Variants in PTK6 observed in about 807,000 individuals in gnomAD.
PTK6 encodes the protein protein tyrosine kinase 6.
A neutral mutation model predicts 47.5 loss-of-function variants in PTK6; 47 were observed. The observed-to-expected ratio is 0.99, with a 90% confidence interval of 0.78 to 1.26. The LOEUF (loss-of-function observed/expected upper bound fraction) is 1.26, where lower values mean the gene tolerates loss of function less well. Ranked by LOEUF, PTK6 falls within the 50% of genes most tolerant of loss-of-function variation. PTK6 has a pLI of 0.00. For missense variants in PTK6, 618 were observed against 625.3 expected (o/e 0.99, Z 0.12); for synonymous variants, 287 against 276.5 (o/e 1.04, Z -0.38).
chr20:63,534,435 C>T, intron 2 of PTK6, 120 bp from the exon 3 acceptor site: 1 of 1,263,500 alleles, frequency 7.9e-7, no homozygotes. Context: ...TTGGTGCTTC[C>T]TCAGTACCAC....
rs6010956 is a variant in PTK6, at chr20:63,530,296, C to T, written c.1015-65G>A. ...CTGTGCCCTGCCCCCGAAGCATGGA[C>T]GGGCACAGCGGCCGCATTGCCCCAG... On this transcript the variant is annotated intron_variant, in intron 6 of 7. Transcript: ENST00000542869. The surrounding 1 kb of genome is among the most constrained non-coding windows in gnomAD (Gnocchi z 4.1). 9.6e-3 allele frequency: 15,163 copies of T among 1,580,804 alleles called. 243 individuals carry two copies. Among genetic ancestry groups the T allele is most frequent in the African/African-American group, 0.073 (5,425 of 74,500 alleles).
Position 63,530,690 on chromosome 20 carries a change from C to A in PTK6, c.1014+56G>T. The A allele has an allele frequency of 6.3e-7, 1 of 1,582,708 alleles. No homozygotes were observed. The highest frequency in any genetic ancestry group is 1.8e-5 in the Admixed American group (1 of 55,598). On this transcript the variant is annotated intron_variant, in intron 6 of 7. Transcript: ENST00000542869. This position sits in a 1 kb window ranked among gnomAD's most constrained non-coding sequence, Gnocchi z 4.1. ...CCCAGCTCCACACACAGGAAGCCCC[C>A]AGCCCTCCGGCCACGCCCCGGCCAC...
In PTK6 at chr20:63,529,516, C is replaced by G; in HGVS notation, c.*20G>C. The stretch of plus-strand genomic sequence containing the variant: ...AGGCCCCTCCTCAGCAGGGCCCGGC[C>G]ATGCCCGCTCCACAGCAGCTCAGGT... On this transcript the variant is annotated 3_prime_UTR_variant, in exon 8 of 8. Transcript: ENST00000542869. This position sits in a 1 kb window ranked among gnomAD's most constrained non-coding sequence, Gnocchi z 5.6. The G allele has an allele frequency of 2.6e-6, 4 of 1,540,476 alleles. No individual in the cohort carries two copies. The highest frequency in any genetic ancestry group is 3.5e-6 in the Non-Finnish European group (4 of 1,142,998).
rs2082653610 is a variant in PTK6 at position 63,535,014 on chromosome 20, C to T, written c.276G>A (p.Leu92=). 6.2e-7 allele frequency: 1 copy of T among 1,608,754 alleles called. No individual in the cohort carries two copies. Among genetic ancestry groups the T allele is most frequent in the Non-Finnish European group, 8.5e-7 (1 of 1,177,472 alleles). ...CISRSEAVRR[L]QAEGNATGAF... is the part of the protein sequence containing the mutation. Reference sequence around the variant, plus strand: ...CGCCCGTGGCGTTGCCCTCGGCCTGCAGCCGACGCACAGCTTCCGAGCGGG... The same window carrying T: ...CGCCCGTGGCGTTGCCCTCGGCCTGTAGCCGACGCACAGCTTCCGAGCGGG... Residue 92 remains leucine, a synonymous_variant, in exon 2 of 8, where the codon CTG becomes CTA. Coordinates refer to ENST00000542869, the MANE Select transcript of PTK6 (RefSeq NM_005975.4).
intron 1 of PTK6, 50 bp from the exon 2 acceptor site, chr20:63,535,109 G>A (rs1161567535): frequency 7.1e-6 from 11 of 1,538,784 alleles, no homozygotes; most frequent in Non-Finnish European, 9.7e-6. Context: ...ACCCCACGTG[G>A]ACCCCACGCT....
Position 63,533,467 on chromosome 20 carries a change from G to C in PTK6, c.670+84C>G. 3 of 1,465,438 alleles carry C rather than the reference G, an allele frequency of 2.0e-6. No homozygotes were observed. Among genetic ancestry groups the C allele is most frequent in the Non-Finnish European group, 2.7e-6 (3 of 1,096,214 alleles). 90.8% of individuals were successfully genotyped at this position (1,465,438 alleles called of 1,614,324 possible). ...GCTGTGGGTGCTGCTTGGGGCTCGA[G>C]GCCAGAGGTCCCTGTTGGCGGGGTG... On this transcript the variant is annotated intron_variant, in intron 4 of 7. Transcript: ENST00000542869. The surrounding 1 kb of genome is among the most constrained non-coding windows in gnomAD (Gnocchi z 4.0).
At chr20:63,531,265 C>CA (rs2082617269) in intron 5 of PTK6, among the ~76,000 whole-genome samples, 1 of 151,138 alleles carries the variant, frequency 6.6e-6, no homozygotes, top group Non-Finnish European at 1.5e-5. Flanking sequence ...ACTAAAAATA[C>CA]AAAAAATTAG....
rs374984991 is a variant in PTK6 at position 63,534,974 on chromosome 20, C to T, written c.316G>A (p.Val106Ile). The change falls in exon 2 of 8, where the codon GTC (valine) becomes ATC (isoleucine). Residue 106 changes from valine to isoleucine, a missense_variant. Transcript: ENST00000542869. Reference protein sequence around the residue: ...GNATGAFLIRVSEKPSADYVL... With the variant: ...GNATGAFLIRISEKPSADYVL... The stretch of plus-strand genomic sequence containing the variant: ...TAGTCGGCACTCGGCTTCTCGCTGA[C>T]CCTGATCAGGAAGGCGCCCGTGGCG... 43 of 1,607,816 alleles carry T rather than the reference C, an allele frequency of 2.7e-5. No individual in the cohort carries two copies. Among genetic ancestry groups the T allele is most frequent in the Non-Finnish European group, 3.1e-5 (37 of 1,177,792 alleles).
At chr20:63,534,787 G>A (rs910731101) in intron 2 of PTK6, 151 bp downstream of exon 2, 14 of 1,199,630 alleles carry the variant, frequency 1.2e-5, no homozygotes, top group Middle Eastern at 2.9e-4. Context: ...AGGGAGGAGC[G>A]GGCCAGGTGG....
chr20:63,532,455 G>T (rs2082632518), intron 5 of PTK6, 71 bp downstream of exon 5: 11 of 1,511,122 alleles, frequency 7.3e-6, no homozygotes, highest in South Asian at 1.2e-5. Context: ...AGACGTGGGG[G>T]GGGGGTGTGC....
rs770065818 is a variant in PTK6, at chr20:63,532,526, C to T, written c.832G>A (p.Asp278Asn). 1.6e-5 allele frequency: 25 copies of T among 1,609,614 alleles called. No individual in the cohort carries two copies. Among genetic ancestry groups the T allele is most frequent in the African/African-American group, 5.3e-5 (4 of 74,858 alleles). The change falls in exon 5 of 8, where the codon GAC becomes AAC. Residue 278 changes from aspartate (D) to asparagine (N), a missense_variant and splice_region_variant. By Grantham distance (23) the Asp-to-Asn change is conservative. Transcript: ENST00000542869. ...AAGAGCCCCGGCCCATGCCACTCAC[C>T]GCGGAGCAGCTCCAGCAGGCTGCCC... ...AKGSLLELLRDSDEKVLPVSE... is the reference protein window; with the variant it reads ...AKGSLLELLRNSDEKVLPVSE...
rs1267928726 is a variant in PTK6 at position 63,533,917 on chromosome 20, CAGAGTGCCGCTGGCCTCTCCG to C, written c.516+214_517-214del. ...CAGACAGACCGGAGCCAGGACCCTG[CAGAGTGCCGCTGGCCTCTCCG>C]AGAGTGGCCAGGCCCGGGGATGGTC... On this transcript the variant is annotated intron_variant, in intron 3 of 7. Coordinates refer to ENST00000542869, the MANE Select transcript of PTK6 (RefSeq NM_005975.4). This position sits in a 1 kb window ranked among gnomAD's most constrained non-coding sequence, Gnocchi z 4.0. Among the ~76,000 whole-genome samples the C allele has an allele frequency of 3.3e-5, 5 of 152,308 alleles. No homozygotes were observed. The highest frequency in any genetic ancestry group is 3.3e-4 in the Admixed American group (5 of 15,304).
In PTK6 at chr20:63,534,969, G is replaced by A. The variant is rs115353095; in HGVS notation, c.321C>T (p.Ser107=). 4.2e-4 allele frequency: 672 copies of A among 1,606,792 alleles called. 2 individuals are homozygous for A. In the African/African-American group the frequency reaches 7.5e-3, roughly 18 times the overall value. The change falls in exon 2 of 8, where the codon AGC becomes AGT. Residue 107 remains serine (S), a synonymous_variant. Transcript: ENST00000542869. ...GGACGTAGTCGGCACTCGGCTTCTC[G>A]CTGACCCTGATCAGGAAGGCGCCCG... ...NATGAFLIRV[S]EKPSADYVLS... is the part of the protein sequence containing the mutation.
At chr20:63,532,295 T>TC (rs2082628757) in intron 5 of PTK6, among the ~76,000 whole-genome samples, 1 of 124,746 alleles carries the variant, frequency 8.0e-6, no homozygotes, top group African/African-American at 5.8e-5. Context: ...GTGATGTGTC[T>TC]TGTGTGTGTG....
In PTK6 at chr20:63,534,934, G is replaced by A. The variant is rs778262885; in HGVS notation, c.352+4C>T. On this transcript the variant is annotated splice_donor_region_variant and intron_variant, in intron 2 of 7. Coordinates refer to ENST00000542869, the MANE Select transcript of PTK6 (RefSeq NM_005975.4). Reference sequence around the variant, plus strand: ...AAGCACAGGCTCGGAGGCCGGGGCCGCACCCGACAGGACGTAGTCGGCACT... The same window carrying A: ...AAGCACAGGCTCGGAGGCCGGGGCCACACCCGACAGGACGTAGTCGGCACT... The A allele has an allele frequency of 2.2e-5, 35 of 1,591,450 alleles. No homozygotes were observed. The highest frequency in any genetic ancestry group is 4.5e-5 in the East Asian group (2 of 44,102).
intron 1 of PTK6, 27 bp from the exon 2 acceptor site, chr20:63,535,086 C>A: frequency 6.4e-7 from 1 of 1,571,592 alleles, no homozygotes; most frequent in Non-Finnish European, 8.7e-7. Context: ...TGAGAACACG[C>A]GGACCTGGGC....
chr20:63,531,167 A>G lies in PTK6; in HGVS notation c.833-240T>C, dbSNP rs191337058. 1.1e-3 allele frequency among the ~76,000 whole-genome samples: 171 copies of G among 152,146 alleles called. 2 individuals carry two copies. The highest frequency in any genetic ancestry group is 5.9e-3 in the Admixed American group (90 of 15,266). ...CTGGGCGTGGTGGCTCACGCCTGTA[A>G]TCCCAGCACTTTGAGAGGCTGAGGC... is the stretch of plus-strand genomic sequence containing the variant. On this transcript the variant is annotated intron_variant, in intron 5 of 7. Transcript: ENST00000542869.
At position 63,535,032 on chromosome 20, in the gene PTK6, C is replaced by G; in HGVS notation, c.258G>C (p.Ser86=). The G allele has an allele frequency of 3.1e-6, 5 of 1,605,678 alleles. No homozygotes were observed. The highest frequency in any genetic ancestry group is 4.3e-6 in the Non-Finnish European group (5 of 1,174,656). ...CGGCCTGCAGCCGACGCACAGCTTC[C>G]GAGCGGGAGATGCAGCCAAAGAACC... ...EPWFFGCISR[S]EAVRRLQAEG... is the part of the protein sequence containing the mutation. Residue 86 remains serine, a synonymous_variant, in exon 2 of 8, where the codon TCG becomes TCC. Coordinates refer to ENST00000542869, the MANE Select transcript of PTK6 (RefSeq NM_005975.4).
Position 63,529,652 on chromosome 20 carries a change from G to T in PTK6, c.1240C>A (p.Pro414Thr). 6.5e-7 allele frequency: 1 copy of T among 1,548,110 alleles called. No homozygotes were observed. The highest frequency in any genetic ancestry group is 8.7e-7 in the Non-Finnish European group (1 of 1,146,408). Reference protein sequence around the residue: ...YRMPCPLECPPSVHKLMLTCW... With the variant: ...YRMPCPLECPTSVHKLMLTCW... The stretch of plus-strand genomic sequence containing the variant: ...GTCAGCATCAGCTTGTGCACGCTGG[G>T]CGGGCACTCCAGAGGGCAGGGCATG... Residue 414 changes from proline (P) to threonine (T), a missense_variant, in exon 8 of 8, where the codon CCC (proline) becomes ACC (threonine). Coordinates refer to ENST00000542869, the MANE Select transcript of PTK6 (RefSeq NM_005975.4). The surrounding 1 kb of genome is among the most constrained non-coding windows in gnomAD (Gnocchi z 5.6).
Sources: gnomAD v4.1 joint callset for allele counts (sites outside exome capture counted in the v4.1 genomes callset) on GRCh38, gnomAD v4.1.1 for gene constraint, Gnocchi (gnomAD v3.1) non-coding constraint, MANE v1.5 for transcripts, NCBI Gene and HGNC (gene_info 2026-07-23, HGNC 2026-07-21) for gene names.